Variants in PIP5K1C observed in about 807,000 individuals in gnomAD.
PIP5K1C encodes phosphatidylinositol-4-phosphate 5-kinase type 1 gamma, also known as phosphatidylinositol 4-phosphate 5-kinase type-1 gamma.
PIP5K1C carries 45 observed loss-of-function variants against 80.1 expected under a neutral mutation model. The observed-to-expected ratio is 0.56, with a 90% CI of 0.44 to 0.72. PIP5K1C has a LOEUF of 0.72. PIP5K1C is among the 30% of genes least tolerant of loss of function. PIP5K1C has a pLI of 0.00. For missense variants in PIP5K1C, 753 were observed against 954.6 expected (o/e 0.79, Z 2.78); for synonymous variants, 498 against 420.1 (o/e 1.19, Z -2.27).
At chr19:3,683,500 T>G (rs900175941) in intron 1 of PIP5K1C, among the ~76,000 whole-genome samples, 7 of 152,178 alleles carry the variant, frequency 4.6e-5, no homozygotes, top group African/African-American at 1.7e-4. Context: ...CCGCACCATA[T>G]GAGAACCCCA....
In PIP5K1C at chr19:3,696,357, C is replaced by T. The variant is rs1256209733; in HGVS notation, c.94+3940G>A. On this transcript the variant is annotated intron_variant, in intron 1 of 17. Coordinates refer to ENST00000335312, the MANE Select transcript of PIP5K1C (RefSeq NM_012398.3). This position sits in a 1 kb window ranked among gnomAD's most constrained non-coding sequence, Gnocchi z 4.1. ...GCAGGAGTGGCACAGACGGTCTTGG[C>T]CCTCGTGGAGCTCTCGCTCAGGAGG... Among the ~76,000 whole-genome samples, 1 of 152,220 alleles carries T rather than the reference C, an allele frequency of 6.6e-6. No individual in the cohort carries two copies. Among genetic ancestry groups the T allele is most frequent in the Non-Finnish European group, 1.5e-5 (1 of 68,048 alleles).
intron 1 of PIP5K1C, 116 bp from the exon 2 acceptor site, chr19:3,667,469 G>A: frequency 9.0e-7 from 1 of 1,117,152 alleles, no homozygotes; most frequent in Non-Finnish European, 1.4e-6. Context: ...ACTCCGCGTG[G>A]GGCTGGTCTC....
chr19:3,693,499 G>A (rs538549800), intron 1 of PIP5K1C, among the ~76,000 whole-genome samples: 14 of 152,328 alleles, frequency 9.2e-5, no homozygotes, highest in East Asian at 1.9e-4. Flanking sequence ...TCCAGCTGGC[G>A]CCTGCTGGCA....
Position 3,648,484 on chromosome 19 carries a change from CT to C in PIP5K1C, c.1211+140del, listed in dbSNP as rs368861385. The C allele has an allele frequency of 9.7e-6, 8 of 822,970 alleles. No individual in the cohort carries two copies. In the African/African-American group the frequency reaches 1.0e-4, roughly 11 times the overall value. 51.0% of individuals were successfully genotyped at this position (822,970 alleles called of 1,614,324 possible). A position where few individuals can be genotyped will look rare whatever the true frequency, so the allele number is the denominator to read the frequency against. ...GGGTGTCCTGGGGGCGCCCATCCACCTGTGGGACTGCAGACCCAGGCGCCCA... is the reference window on the plus strand; with the variant it reads ...GGGTGTCCTGGGGGCGCCCATCCACCGTGGGACTGCAGACCCAGGCGCCCA... On this transcript the variant is annotated intron_variant, in intron 9 of 17. Transcript: ENST00000335312. This position sits in a 1 kb window ranked among gnomAD's most constrained non-coding sequence, Gnocchi z 4.3.
intron 16 of PIP5K1C, among the ~76,000 whole-genome samples, chr19:3,634,278 C>T (rs1158773119): frequency 6.6e-6 from 1 of 152,126 alleles, no homozygotes; most frequent in African/African-American, 2.4e-5. Flanking sequence ...TCCGTCCCGC[C>T]TCCTGAGGAG....
intron 1 of PIP5K1C, among the ~76,000 whole-genome samples, chr19:3,699,749 G>A (rs990438313): frequency 6.6e-6 from 1 of 152,284 alleles, no homozygotes; most frequent in East Asian, 1.9e-4. Context: ...GTGTCCTGGG[G>A]GAAGGCTCGG....
rs2033487702 is a variant in PIP5K1C, at chr19:3,632,119, C to T, written c.*1048G>A. The T allele has an allele frequency of 6.6e-6, 1 of 152,304 alleles. No individual in the cohort carries two copies. The highest frequency in any genetic ancestry group is 6.5e-5 in the Admixed American group (1 of 15,296). 9.4% of individuals were successfully genotyped at this position (152,304 alleles called of 1,614,324 possible). ...GGTGATGAGTCGGAAACAAAGTCTT[C>T]TCTCCCCTCCTCGGAGACATCACAT... On this transcript the variant is annotated 3_prime_UTR_variant, in exon 18 of 18. Coordinates refer to ENST00000335312, the MANE Select transcript of PIP5K1C (RefSeq NM_012398.3).
intron 3 of PIP5K1C, among the ~76,000 whole-genome samples, chr19:3,663,528 C>T (rs1235196229): frequency 6.6e-6 from 1 of 152,228 alleles, no homozygotes; most frequent in Non-Finnish European, 1.5e-5. Flanking sequence ...AGGGAAAGCA[C>T]ATCAAACCAC....
At chr19:3,641,632 C>T (rs1412080979) in intron 15 of PIP5K1C, 73 bp downstream of exon 15, 7 of 1,085,244 alleles carry the variant, frequency 6.5e-6, no homozygotes, top group South Asian at 6.2e-5. Flanking sequence ...CATGATGAAA[C>T]CTCGGGGTGC....
At chr19:3,680,663 A>G (rs2035563938) in intron 1 of PIP5K1C, among the ~76,000 whole-genome samples, 1 of 152,246 alleles carries the variant, frequency 6.6e-6, no homozygotes, top group Admixed American at 6.5e-5. Flanking sequence ...AGAATCACAT[A>G]AAAGACACCC....
At chr19:3,635,856 T>A (rs2033664262) in intron 16 of PIP5K1C, among the ~76,000 whole-genome samples, 1 of 152,126 alleles carries the variant, frequency 6.6e-6, no homozygotes, top group Non-Finnish European at 1.5e-5. Flanking sequence ...GGCGGGCGCC[T>A]GTAGTCCCAG....
chr19:3,644,752 G>A (rs958940767), intron 11 of PIP5K1C, among the ~76,000 whole-genome samples: 3 of 152,192 alleles, frequency 2.0e-5, no homozygotes, highest in Non-Finnish European at 4.4e-5. Context: ...CCTGGGGGCC[G>A]ACCTTAGCGG....
chr19:3,695,048 T>C (rs906107650), intron 1 of PIP5K1C, among the ~76,000 whole-genome samples: 1 of 152,236 alleles, frequency 6.6e-6, no homozygotes, highest in Non-Finnish European at 1.5e-5. Flanking sequence ...AATAAAACTT[T>C]GTTGACAAGA....
chr19:3,671,276 T>G (rs1379794526), intron 1 of PIP5K1C, among the ~76,000 whole-genome samples: 1 of 152,216 alleles, frequency 6.6e-6, no homozygotes, highest in African/African-American at 2.4e-5. Context: ...GTCACAGCGC[T>G]TGGGTCCACC....
chr19:3,674,003 G>A (rs556749461), intron 1 of PIP5K1C: 2 of 152,392 alleles, frequency 1.3e-5, no homozygotes, highest in East Asian at 3.9e-4. Flanking sequence ...CTGACCAACA[G>A]AATGTGATGC....
At chr19:3,698,381 G>A (rs1600106691) in intron 1 of PIP5K1C, among the ~76,000 whole-genome samples, 3 of 152,348 alleles carry the variant, frequency 2.0e-5, no homozygotes, top group Admixed American at 2.0e-4. Context: ...GACATCGGCG[G>A]GACCAACTCT....
chr19:3,647,513 A>T lies in PIP5K1C; in HGVS notation c.1212-127T>A, dbSNP rs2034282572. On this transcript the variant is annotated intron_variant, in intron 9 of 17. Transcript: ENST00000335312. ...GCCTCAAGCAGTCGTGGCTGTCAAA[A>T]CTCAGGGTGGCAGGTGCTCCTGGCA... 1.5e-5 allele frequency: 12 copies of T among 815,224 alleles called. No individual in the cohort carries two copies. In the South Asian group the frequency reaches 1.7e-4, roughly 12 times the overall value. The allele number at this position is 815,224 out of a possible 1,614,324, so 50.5% of individuals were successfully genotyped here.
intron 1 of PIP5K1C, among the ~76,000 whole-genome samples, chr19:3,670,921 G>A (rs1275148474): frequency 6.6e-6 from 1 of 152,216 alleles, no homozygotes; most frequent in Non-Finnish European, 1.5e-5. Context: ...AGGGCCAGTC[G>A]CCCCCAGGTC....
In PIP5K1C at chr19:3,643,281, C is replaced by A; in HGVS notation, c.1611G>T (p.Glu537Asp). Residue 537 changes from glutamate (E) to aspartate (D), a missense_variant, in exon 13 of 18, where the codon GAG becomes GAT. Physicochemically the swap from Glu to Asp is conservative, Grantham distance 45. This residue lies in a region of PIP5K1C where 315 missense variants were observed against 294.5 expected (regional missense o/e 1.07). Coordinates refer to ENST00000335312, the MANE Select transcript of PIP5K1C (RefSeq NM_012398.3). ...TLSSTSLSIP[E>D]RSPSETSEQP... ...GCTCCGACGTCTCCGAGGGGGACCG[C>A]TCAGGAATGGAGAGGGATGTGGATG... 6.2e-7 allele frequency: 1 copy of A among 1,613,966 alleles called. No homozygotes were observed. Among genetic ancestry groups the A allele is most frequent in the Non-Finnish European group, 8.5e-7 (1 of 1,179,970 alleles).
Sources: allele counts gnomAD v4.1 joint callset (sites outside exome capture counted in the v4.1 genomes callset), GRCh38; gene constraint gnomAD v4.1.1; regional missense constraint gnomAD v4.1.1; non-coding constraint Gnocchi (gnomAD v3.1); transcripts MANE v1.5; gene names NCBI Gene and HGNC (gene_info 2026-07-23, HGNC 2026-07-21).